PCP4L1: variants seen among roughly 807,000 people sequenced by gnomAD.
PCP4L1 encodes Purkinje cell protein 4 like 1.
PCP4L1 carries 9 observed loss-of-function variants against 9.6 expected under a neutral mutation model. The observed-to-expected ratio is 0.94, with a 90% CI of 0.57 to 1.64. The LOEUF (loss-of-function observed/expected upper bound fraction) is 1.64, where lower values mean the gene tolerates loss of function less well. Among genes scored for constraint, PCP4L1 ranks in the 40% most tolerant of loss-of-function variants. The pLI, the probability that PCP4L1 is intolerant of heterozygous loss-of-function variation, is 0.00. For synonymous variants in PCP4L1, 31 were observed against 28.2 expected (o/e 1.10, Z -0.31); for missense variants, 81 against 80.8 (o/e 1.00, Z -0.01).
chr1:161,284,050 G>A (rs536203041), intron 2 of PCP4L1, among the ~76,000 whole-genome samples: 1 of 152,316 alleles, frequency 6.6e-6, no homozygotes, highest in South Asian at 2.1e-4. Flanking sequence ...GAAAGTGAGT[G>A]TGCATTGGAA....
chr1:161,283,205 G>C lies in PCP4L1; in HGVS notation c.10-463G>C, dbSNP rs1457793402. On this transcript the variant is annotated intron_variant, in intron 1 of 2. Coordinates refer to ENST00000504449, the MANE Select transcript of PCP4L1 (RefSeq NM_001102566.2). Reference sequence around the variant, plus strand: ...CAACCCAGAGCCCTTGAAAACTCCTGCCAGATATCTATGAGCCTTACTTCC... The same window carrying C: ...CAACCCAGAGCCCTTGAAAACTCCTCCCAGATATCTATGAGCCTTACTTCC... 2.0e-5 allele frequency among the ~76,000 whole-genome samples: 3 copies of C among 152,098 alleles called. No individual in the cohort carries two copies. In the East Asian group the frequency reaches 5.8e-4, roughly 29 times the overall value.
intron 1 of PCP4L1, among the ~76,000 whole-genome samples, chr1:161,279,788 T>C (rs1171620339): frequency 1.3e-5 from 2 of 152,218 alleles, no homozygotes; most frequent in African/African-American, 4.8e-5. Context: ...GACTGATGAA[T>C]GTCCAGATGA....
chr1:161,262,550 T>G (rs976797239), intron 1 of PCP4L1, among the ~76,000 whole-genome samples: 2 of 152,178 alleles, frequency 1.3e-5, no homozygotes, highest in Non-Finnish European at 2.9e-5. Flanking sequence ...TGTTGCTGGT[T>G]TTAGCTGCTT....
At chr1:161,284,236 G>A in intron 2 of PCP4L1, 103 bp from the exon 3 acceptor site, 1 of 1,509,776 alleles carries the variant, frequency 6.6e-7, no homozygotes. Flanking sequence ...GGACCCCACA[G>A]AGTCTGGCAC....
chr1:161,268,557 T>C (rs1251269684), intron 1 of PCP4L1, among the ~76,000 whole-genome samples: 1 of 146,016 alleles, frequency 6.8e-6, no homozygotes, highest in Non-Finnish European at 1.5e-5. Flanking sequence ...TTACCTTTTT[T>C]TTTTTTTTTT....
In PCP4L1 at chr1:161,283,708, G is replaced by T; in HGVS notation, c.50G>T (p.Gly17Val). ...KTSPATNQAA[G>V]QEEKGKAGNV... is the part of the protein sequence containing the mutation. ...TCCCCAGCAACCAACCAGGCAGCTG[G>T]CCAAGAGGAAAAAGGTGAGTGGGGT... Residue 17 changes from glycine to valine, a missense_variant, in exon 2 of 3, where the codon GGC becomes GTC. Gly to Val is a moderately radical substitution (Grantham distance 109, BLOSUM62 -3). Transcript: ENST00000504449. 1 of 1,606,270 alleles carries T rather than the reference G, an allele frequency of 6.2e-7. No individual in the cohort carries two copies.
At chr1:161,283,821 G>A (rs1669862903) in intron 2 of PCP4L1, 99 bp downstream of exon 2, 2 of 1,240,458 alleles carry the variant, frequency 1.6e-6, no homozygotes, top group African/African-American at 3.0e-5. Flanking sequence ...AGACATGAAA[G>A]GAATAAGAAT....
At chr1:161,264,257 T>C (rs1238541781) in intron 1 of PCP4L1, among the ~76,000 whole-genome samples, 1 of 151,648 alleles carries the variant, frequency 6.6e-6, no homozygotes, top group Non-Finnish European at 1.5e-5. Context: ...CTGTGGCTCA[T>C]GCCTGTAATC....
chr1:161,264,841 A>G (rs1372178226), intron 1 of PCP4L1, among the ~76,000 whole-genome samples: 1 of 152,154 alleles, frequency 6.6e-6, no homozygotes, highest in Non-Finnish European at 1.5e-5. Context: ...ACAAACACGA[A>G]AAAGAAATAT....
chr1:161,282,232 C>T (rs1339124870), intron 1 of PCP4L1, among the ~76,000 whole-genome samples: 5 of 151,448 alleles, frequency 3.3e-5, no homozygotes, highest in East Asian at 3.9e-4. Context: ...CAAAAAAATA[C>T]GAAAACCAGT....
intron 1 of PCP4L1, among the ~76,000 whole-genome samples, chr1:161,268,428 C>G (rs962163669): frequency 2.0e-5 from 3 of 152,252 alleles, no homozygotes; most frequent in Non-Finnish European, 2.9e-5. Context: ...CAATAAATAC[C>G]TCAGCATCTT....
rs1669806518 is a variant in PCP4L1, at chr1:161,281,629, A to G, written c.10-2039A>G. Among the ~76,000 whole-genome samples, 4 of 149,382 alleles carry G rather than the reference A, an allele frequency of 2.7e-5. No individual in the cohort carries two copies. The South Asian group carries it at 8.5e-4, about 32-fold the overall frequency. On this transcript the variant is annotated intron_variant, in intron 1 of 2. Coordinates refer to ENST00000504449, the MANE Select transcript of PCP4L1 (RefSeq NM_001102566.2). ...GGGCTGACCCCCACCTCCCTCCCGGACGGGGTGGCTGCCGGGCAGAGATGC... is the reference window on the plus strand; with the variant it reads ...GGGCTGACCCCCACCTCCCTCCCGGGCGGGGTGGCTGCCGGGCAGAGATGC...
chr1:161,269,715 TG>T (rs2102234617), intron 1 of PCP4L1, among the ~76,000 whole-genome samples: 1 of 152,214 alleles, frequency 6.6e-6, no homozygotes, highest in African/African-American at 2.4e-5. Flanking sequence ...TTAAGGATTT[TG>T]GGCTGAGTGT....
At chr1:161,274,296 A>C (rs951108255) in intron 1 of PCP4L1, among the ~76,000 whole-genome samples, 48 of 152,244 alleles carry the variant, frequency 3.2e-4, no homozygotes, top group African/African-American at 1.1e-3. Flanking sequence ...TCTGGTCAGA[A>C]AAGCTCAGTA....
At chr1:161,263,715 G>A (rs1421972830) in intron 1 of PCP4L1, among the ~76,000 whole-genome samples, 2 of 150,694 alleles carry the variant, frequency 1.3e-5, no homozygotes, top group African/African-American at 4.9e-5. Context: ...CCTTGTAGCT[G>A]GGACCACAGG....
intron 1 of PCP4L1, among the ~76,000 whole-genome samples, chr1:161,277,991 G>T (rs920214318): frequency 1.2e-4 from 18 of 152,014 alleles, no homozygotes; most frequent in African/African-American, 4.4e-4. Context: ...TTATCGAAGG[G>T]CAACCCCTCC....
At chr1:161,273,267 G>T (rs527792801) in intron 1 of PCP4L1, among the ~76,000 whole-genome samples, 2 of 152,296 alleles carry the variant, frequency 1.3e-5, no homozygotes, top group Admixed American at 6.5e-5. Context: ...GGAAAAGAAG[G>T]AGTTGATGGG....
chr1:161,262,456 A>AAG (rs1669435219), intron 1 of PCP4L1, among the ~76,000 whole-genome samples: 1 of 150,770 alleles, frequency 6.6e-6, no homozygotes. Flanking sequence ...AAAAAAAAAA[A>AAG]GAAATGCCTT....
intron 1 of PCP4L1, among the ~76,000 whole-genome samples, chr1:161,271,425 A>G (rs777558471): frequency 6.6e-6 from 1 of 152,168 alleles, no homozygotes; most frequent in Non-Finnish European, 1.5e-5. Flanking sequence ...AAGTTCTTTC[A>G]ATACTTATTC....
Sources: gnomAD v4.1 joint callset for allele counts (sites outside exome capture counted in the v4.1 genomes callset) on GRCh38, gnomAD v4.1.1 for gene constraint, MANE v1.5 for transcripts, NCBI Gene and HGNC (gene_info 2026-07-23, HGNC 2026-07-21) for gene names.